ARHGEF3: variants seen among roughly 807,000 people sequenced by gnomAD.
ARHGEF3 encodes 59.8 kDA protein.
Under a neutral mutation model 63.2 loss-of-function variants are expected in ARHGEF3, and 28 were observed. That is an observed-to-expected ratio of 0.44 (90% CI 0.33 to 0.61). The LOEUF (loss-of-function observed/expected upper bound fraction) is 0.61, where lower values mean the gene tolerates loss of function less well. Among genes scored for constraint, ARHGEF3 ranks in the 20% least tolerant of loss-of-function variants. ARHGEF3 has a pLI of 0.03. For synonymous variants in ARHGEF3, 266 were observed against 254.2 expected (o/e 1.05, Z -0.44); for missense variants, 533 against 659.3 (o/e 0.81, Z 2.10).
chr3:57,028,645 A>G (rs1489519332), intron 2 of ARHGEF3, among the ~76,000 whole-genome samples: 6 of 145,186 alleles, frequency 4.1e-5, no homozygotes, highest in African/African-American at 1.5e-4. Context: ...ATACATATGT[A>G]ACTAACCTGC....
intron 4 of ARHGEF3, among the ~76,000 whole-genome samples, chr3:56,880,297 T>C (rs534180985): frequency 5.9e-5 from 9 of 152,010 alleles, no homozygotes; most frequent in Non-Finnish European, 8.8e-5. Flanking sequence ...ACATAACATA[T>C]GAGATGGTTA....
intron 1 of ARHGEF3, among the ~76,000 whole-genome samples, chr3:56,782,416 T>C (rs1257389854): frequency 3.3e-5 from 5 of 152,196 alleles, no homozygotes; most frequent in East Asian, 3.8e-4. Context: ...TTTGTGGACT[T>C]TGACAAACCA....
chr3:56,845,613 T>C (rs1024619376), intron 4 of ARHGEF3, among the ~76,000 whole-genome samples: 4 of 152,222 alleles, frequency 2.6e-5, no homozygotes, highest in African/African-American at 4.8e-5. Flanking sequence ...TGATGTTCCT[T>C]CATGAGCAAA....
chr3:56,770,818 C>G (rs2035966074), intron 2 of ARHGEF3, among the ~76,000 whole-genome samples: 1 of 152,088 alleles, frequency 6.6e-6, no homozygotes, highest in Non-Finnish European at 1.5e-5. Context: ...TTAGAGTAAG[C>G]TATTTATCAC....
chr3:56,992,395 A>AC (rs1181192449), intron 2 of ARHGEF3, among the ~76,000 whole-genome samples: 9 of 129,160 alleles, frequency 7.0e-5, no homozygotes, highest in Non-Finnish European at 1.4e-4. Context: ...AAAAAAAAAA[A>AC]AAAAAAAAAA....
At chr3:56,777,115 GTGAT>G (rs1317234359) in intron 1 of ARHGEF3, among the ~76,000 whole-genome samples, 3 of 152,194 alleles carry the variant, frequency 2.0e-5, no homozygotes, top group Non-Finnish European at 4.4e-5. Flanking sequence ...TGGTTCTACA[GTGAT>G]TATTAATAAG....
intron 7 of ARHGEF3, among the ~76,000 whole-genome samples, chr3:56,737,909 C>G (rs552861282): frequency 6.6e-5 from 10 of 152,160 alleles, no homozygotes; most frequent in African/African-American, 2.4e-4. Context: ...CCTCTTGTTG[C>G]CCAGGCTGGA....
At chr3:56,830,655 G>C (rs1456867461) in intron 4 of ARHGEF3, among the ~76,000 whole-genome samples, 1 of 152,248 alleles carries the variant, frequency 6.6e-6, no homozygotes. Context: ...GAGGCCCTGC[G>C]GGATCTGGTG....
intron 2 of ARHGEF3, among the ~76,000 whole-genome samples, chr3:56,988,840 T>C (rs1341015104): frequency 1.3e-5 from 2 of 152,210 alleles, no homozygotes; most frequent in African/African-American, 4.8e-5. Context: ...CTGAATCTTG[T>C]GCTCAGAACC....
At chr3:57,061,509 C>T (rs1322769325) in intron 1 of ARHGEF3, among the ~76,000 whole-genome samples, 3 of 152,168 alleles carry the variant, frequency 2.0e-5, no homozygotes, top group Non-Finnish European at 2.9e-5. Flanking sequence ...ATTGTATGTA[C>T]ATACCACATT....
At chr3:56,987,741 A>G (rs1352846855) in intron 2 of ARHGEF3, among the ~76,000 whole-genome samples, 1 of 152,168 alleles carries the variant, frequency 6.6e-6, no homozygotes, top group Non-Finnish European at 1.5e-5. Context: ...TGCACAGCCA[A>G]TCCTGCAGCC....
chr3:57,029,230 AGACCAGCCT>A (rs1293870354), intron 2 of ARHGEF3, among the ~76,000 whole-genome samples: 1 of 152,188 alleles, frequency 6.6e-6, no homozygotes, highest in East Asian at 1.9e-4. Context: ...CGGGAGTTTA[AGACCAGCCT>A]GACCAACATG....
At chr3:56,967,011 G>C (rs1700526749) in intron 2 of ARHGEF3, among the ~76,000 whole-genome samples, 1 of 150,306 alleles carries the variant, frequency 6.7e-6, no homozygotes, top group Non-Finnish European at 1.5e-5. Context: ...TTACAGGCAT[G>C]CGCCACCATG....
At chr3:56,912,940 C>T (rs769482853) in intron 3 of ARHGEF3, among the ~76,000 whole-genome samples, 18 of 152,108 alleles carry the variant, frequency 1.2e-4, no homozygotes, top group Non-Finnish European at 2.1e-4. Context: ...GAGTTCAAGA[C>T]GAGCCTGGGC....
At chr3:57,059,053 A>G (rs146067381) in intron 1 of ARHGEF3, among the ~76,000 whole-genome samples, 15,502 of 150,588 alleles carry the variant, frequency 0.1, 1,023 homozygotes, top group East Asian at 0.28. Context: ...ATGATGAGTT[A>G]ATGGGTGCAG....
At chr3:56,949,987 A>G (rs1276393147) in intron 3 of ARHGEF3, among the ~76,000 whole-genome samples, 2 of 152,040 alleles carry the variant, frequency 1.3e-5, no homozygotes, top group African/African-American at 4.8e-5. Flanking sequence ...CATATCTACA[A>G]CCATCTGATC....
chr3:56,931,479 G>A (rs1305779287), intron 3 of ARHGEF3, among the ~76,000 whole-genome samples: 7 of 150,110 alleles, frequency 4.7e-5, no homozygotes, highest in African/African-American at 1.7e-4. Context: ...GGGAGGCTGA[G>A]GTGGGAGGAT....
In ARHGEF3 at chr3:56,751,304, A is replaced by G. The variant is rs1245934955; in HGVS notation, c.531T>C (p.His177=). The change falls in exon 5 of 10, where the codon CAT becomes CAC. Residue 177 remains histidine (H), a synonymous_variant. Transcript: ENST00000296315. ...FGTLDSLIPL[H]EELLSQLRDV... ...ATCCTGGGAACAAAATTATACCTTCATGTAGAGGAATTAGAGAGTCCAGTG... is the reference window on the plus strand; with the variant it reads ...ATCCTGGGAACAAAATTATACCTTCGTGTAGAGGAATTAGAGAGTCCAGTG... 10 of 1,610,728 alleles carry G rather than the reference A, an allele frequency of 6.2e-6. No homozygotes were observed. Among genetic ancestry groups the G allele is most frequent in the Non-Finnish European group, 8.5e-6 (10 of 1,176,920 alleles).
rs1027055985 is a variant in ARHGEF3, at chr3:57,068,155, G to A, written c.-28+11071C>T. Among the ~76,000 whole-genome samples, 12 of 88,392 alleles carry A rather than the reference G, an allele frequency of 1.4e-4. No homozygotes were observed. In the East Asian group the frequency reaches 1.9e-3, roughly 14 times the overall value. The allele number at this position is 88,392 out of a possible 152,430, so 58.0% of individuals were successfully genotyped here. A position where few individuals can be genotyped will look rare whatever the true frequency, so the allele number is the denominator to read the frequency against. ...GTTTCACCAAATAATTCAGATATGC[G>A]CGCACACACACATACACACACACAC... On this transcript the variant is annotated intron_variant, in intron 1 of 12. Transcript: ENST00000338458.
Sources: gnomAD v4.1 joint callset for allele counts (sites outside exome capture counted in the v4.1 genomes callset) on GRCh38, gnomAD v4.1.1 for gene constraint, MANE v1.5 for transcripts, NCBI Gene and HGNC (gene_info 2026-07-23, HGNC 2026-07-21) for gene names.